MDFIC: variants seen among roughly 807,000 people sequenced by gnomAD.
MDFIC encodes MyoD family inhibitor domain containing.
Under a neutral mutation model 23.2 loss-of-function variants are expected in MDFIC, and 17 were observed. The ratio of observed to expected loss-of-function variants is 0.73; its 90% CI spans 0.50 to 1.10. MDFIC has a LOEUF of 1.10. Among genes scored for constraint, MDFIC ranks in the 50% least tolerant of loss-of-function variants. The probability of loss-of-function intolerance (pLI) is 0.00; values close to 1 mark genes in which losing one functional copy is unlikely to be tolerated. For missense variants in MDFIC, 356 were observed against 316.6 expected (o/e 1.12, Z -0.95); for synonymous variants, 120 against 115.2 (o/e 1.04, Z -0.27).
chr7:114,992,943 C>G (rs1302077030), intron 4 of MDFIC, among the ~76,000 whole-genome samples: 1 of 152,198 alleles, frequency 6.6e-6, no homozygotes, highest in Non-Finnish European at 1.5e-5. Flanking sequence ...CCTCCTTGTG[C>G]CTCTAGTAGA....
chr7:114,969,574 T>C (rs1793167720), intron 3 of MDFIC, among the ~76,000 whole-genome samples: 1 of 152,184 alleles, frequency 6.6e-6, no homozygotes, highest in African/African-American at 2.4e-5. Flanking sequence ...TTTATTTTTG[T>C]GAAGGGTTCA....
intron 4 of MDFIC, among the ~76,000 whole-genome samples, chr7:114,998,800 G>C (rs1170779342): frequency 6.6e-6 from 1 of 152,140 alleles, no homozygotes; most frequent in Non-Finnish European, 1.5e-5. Flanking sequence ...TTTAAGAACA[G>C]AGTATGTTAA....
At position 114,922,250 on chromosome 7, in the gene MDFIC, A is replaced by C; in HGVS notation, c.-494A>C. On this transcript the variant is annotated 5_prime_UTR_variant, in exon 1 of 5. Coordinates refer to ENST00000393486, the MANE Select transcript of MDFIC (RefSeq NM_001166345.3). Reference sequence around the variant, plus strand: ...CGCCGCTCCCAGCATCGGGGCCGCTAGCCAAGAGTTCGAGGCCTTCCCGAT... The same window carrying C: ...CGCCGCTCCCAGCATCGGGGCCGCTCGCCAAGAGTTCGAGGCCTTCCCGAT... 1 of 608,002 alleles carries C rather than the reference A, an allele frequency of 1.6e-6. No homozygotes were observed. The highest frequency in any genetic ancestry group is 2.4e-6 in the Non-Finnish European group (1 of 419,268). 37.7% of individuals were successfully genotyped at this position (608,002 alleles called of 1,614,324 possible).
chr7:114,976,252 T>C (rs1355978560), intron 3 of MDFIC, among the ~76,000 whole-genome samples: 1 of 152,094 alleles, frequency 6.6e-6, no homozygotes, highest in East Asian at 1.9e-4. Context: ...ACAAGGAGTC[T>C]CCCCAGCTTT....
intron 4 of MDFIC, among the ~76,000 whole-genome samples, chr7:114,990,830 G>A (rs1367810196): frequency 2.0e-5 from 3 of 152,064 alleles, no homozygotes; most frequent in African/African-American, 7.2e-5. Flanking sequence ...TGTCTTTATA[G>A]CAGCATGATT....
At chr7:115,005,081 C>A (rs1281454520) in intron 4 of MDFIC, among the ~76,000 whole-genome samples, 1 of 152,248 alleles carries the variant, frequency 6.6e-6, no homozygotes, top group Non-Finnish European at 1.5e-5. Flanking sequence ...CTAGATTTAA[C>A]TATCTATTAG....
At chr7:114,932,493 G>A (rs920512855) in intron 2 of MDFIC, among the ~76,000 whole-genome samples, 1 of 152,202 alleles carries the variant, frequency 6.6e-6, no homozygotes. Context: ...GAGAAGAAAA[G>A]TGGTGATGAA....
intron 4 of MDFIC, among the ~76,000 whole-genome samples, chr7:114,983,076 C>T (rs1412797624): frequency 6.6e-6 from 1 of 152,218 alleles, no homozygotes; most frequent in African/African-American, 2.4e-5. Flanking sequence ...GACATTCAAA[C>T]CATAGTACAA....
chr7:114,940,264 C>T (rs1792512779), intron 2 of MDFIC, among the ~76,000 whole-genome samples: 1 of 152,196 alleles, frequency 6.6e-6, no homozygotes, highest in Non-Finnish European at 1.5e-5. Flanking sequence ...AGCCTCTGGA[C>T]TCGGTCCCAA....
chr7:114,944,276 T>C lies in MDFIC; in HGVS notation c.217+1879T>C, dbSNP rs115196476. Among the ~76,000 whole-genome samples the C allele has an allele frequency of 1.6e-3, 251 of 152,212 alleles. 1 individual carries two copies. Among genetic ancestry groups the C allele is most frequent in the African/African-American group, 5.5e-3 (229 of 41,530 alleles). On this transcript the variant is annotated intron_variant, in intron 3 of 4. Coordinates refer to ENST00000393486, the MANE Select transcript of MDFIC (RefSeq NM_001166345.3). Reference sequence around the variant, plus strand: ...AAAGGGCTGCTGGGGAAACTGACAGTTTGAATGGATTTACAAAAGATACTG... The same window carrying C: ...AAAGGGCTGCTGGGGAAACTGACAGCTTGAATGGATTTACAAAAGATACTG...
At chr7:115,003,999 A>G (rs1276379330) in intron 4 of MDFIC, among the ~76,000 whole-genome samples, 2 of 152,226 alleles carry the variant, frequency 1.3e-5, no homozygotes, top group African/African-American at 4.8e-5. Flanking sequence ...TACTTACAGC[A>G]GTGCCTGGAC....
At chr7:114,964,123 A>G (rs1404056887) in intron 3 of MDFIC, among the ~76,000 whole-genome samples, 1 of 152,146 alleles carries the variant, frequency 6.6e-6, no homozygotes. Context: ...GGAATACAGA[A>G]TTATATTTTT....
chr7:114,973,480 A>C (rs1253558980), intron 3 of MDFIC, among the ~76,000 whole-genome samples: 1 of 152,140 alleles, frequency 6.6e-6, no homozygotes, highest in Non-Finnish European at 1.5e-5. Context: ...ATTCCTTTAG[A>C]GAGAACGTAG....
At chr7:114,999,756 G>A (rs1324489548) in intron 4 of MDFIC, among the ~76,000 whole-genome samples, 8 of 85,022 alleles carry the variant, frequency 9.4e-5, no homozygotes, top group Non-Finnish European at 2.0e-4. Context: ...CCAGCTCAGG[G>A]GTCCTTAGCA....
chr7:114,938,380 CA>C (rs1176363508), intron 2 of MDFIC, among the ~76,000 whole-genome samples: 1 of 152,124 alleles, frequency 6.6e-6, no homozygotes, highest in African/African-American at 2.4e-5. Context: ...GGATGAGTAG[CA>C]AAGTCTGTAT....
At chr7:114,939,216 T>A (rs1662944189) in intron 2 of MDFIC, among the ~76,000 whole-genome samples, 1 of 152,196 alleles carries the variant, frequency 6.6e-6, no homozygotes, top group East Asian at 1.9e-4. Context: ...GTCACAGAAG[T>A]TTTGTTTATA....
chr7:114,987,268 A>C (rs1467703945), intron 4 of MDFIC, among the ~76,000 whole-genome samples: 2 of 152,138 alleles, frequency 1.3e-5, no homozygotes, highest in Non-Finnish European at 2.9e-5. Context: ...CTGTTACAAT[A>C]CTGTTTCAAC....
intron 4 of MDFIC, among the ~76,000 whole-genome samples, chr7:115,000,983 C>G (rs1778325391): frequency 1.3e-5 from 2 of 152,122 alleles, no homozygotes; most frequent in South Asian, 4.1e-4. Context: ...TGGCCTCAGG[C>G]CCCCTTCCAA....
In MDFIC at chr7:115,016,266, C is replaced by A; in HGVS notation, c.*331C>A. Reference sequence around the variant, plus strand: ...TAACCGTTCTCAGGAGCACTTTGCTCCAAATATATTATTTTTCAGTGTGTA... The same window carrying A: ...TAACCGTTCTCAGGAGCACTTTGCTACAAATATATTATTTTTCAGTGTGTA... On this transcript the variant is annotated 3_prime_UTR_variant, in exon 5 of 5. Transcript: ENST00000393486. The A allele has an allele frequency of 4.0e-6, 1 of 251,442 alleles. No homozygotes were observed. The highest frequency in any genetic ancestry group is 7.7e-6 in the Non-Finnish European group (1 of 129,236). 15.6% of individuals were successfully genotyped at this position (251,442 alleles called of 1,614,324 possible).
Sources: allele counts gnomAD v4.1 joint callset (sites outside exome capture counted in the v4.1 genomes callset), GRCh38; gene constraint gnomAD v4.1.1; transcripts MANE v1.5; gene names NCBI Gene and HGNC (gene_info 2026-07-23, HGNC 2026-07-21).